RIMBP2: variants seen among roughly 807,000 people sequenced by gnomAD.
The protein encoded by RIMBP2 is RIMS-binding protein 2.
RIMBP2 carries 48 observed loss-of-function variants against 118.6 expected under a neutral mutation model. The observed-to-expected ratio is 0.40, with a 90% CI of 0.32 to 0.51. The LOEUF is 0.51. RIMBP2 is among the 20% of genes least tolerant of loss of function. The pLI is 0.41. For synonymous variants in RIMBP2, 762 were observed against 742.9 expected (o/e 1.03, Z -0.42); for missense variants, 1,551 against 1,768.3 (o/e 0.88, Z 2.20).
intron 2 of RIMBP2, among the ~76,000 whole-genome samples, chr12:130,551,098 T>C (rs1461116917): frequency 6.6e-6 from 1 of 152,170 alleles, no homozygotes; most frequent in Non-Finnish European, 1.5e-5. Context: ...ATTGATTGGA[T>C]ACAGGTGAAT....
chr12:130,635,676 C>A (rs12817379), intron 1 of RIMBP2, among the ~76,000 whole-genome samples: 1 of 152,150 alleles, frequency 6.6e-6, no homozygotes, highest in East Asian at 1.9e-4. Context: ...GACACCAATT[C>A]GTGACTCACA....
At chr12:130,692,799 T>A (rs924829630) in intron 1 of RIMBP2, among the ~76,000 whole-genome samples, 2 of 125,538 alleles carry the variant, frequency 1.6e-5, no homozygotes, top group African/African-American at 6.1e-5. Flanking sequence ...TCAAATAGAA[T>A]GGAAAAGTGG....
At chr12:130,657,062 T>C (rs773630436) in intron 1 of RIMBP2, among the ~76,000 whole-genome samples, 15 of 152,186 alleles carry the variant, frequency 9.9e-5, no homozygotes, top group Non-Finnish European at 1.3e-4. Context: ...GCCTACTATT[T>C]TTTTACATTT....
intron 4 of RIMBP2, among the ~76,000 whole-genome samples, chr12:130,506,377 C>T (rs1469198460): frequency 2.6e-5 from 4 of 152,176 alleles, no homozygotes; most frequent in Non-Finnish European, 4.4e-5. Flanking sequence ...AGCGGTGTGC[C>T]TGCCACTGCA....
intron 2 of RIMBP2, among the ~76,000 whole-genome samples, chr12:130,604,435 G>A (rs936033969): frequency 1.7e-4 from 25 of 149,278 alleles, no homozygotes; most frequent in African/African-American, 5.4e-4. Flanking sequence ...GCCTACAGTC[G>A]TGCAGTGGAA....
rs550639305 is a variant in RIMBP2 at position 130,494,961 on chromosome 12, C to T, written c.-4+11687G>A. 1.1e-4 allele frequency among the ~76,000 whole-genome samples: 17 copies of T among 152,322 alleles called. No homozygotes were observed. In the South Asian group the frequency reaches 3.3e-3, roughly 30 times the overall value. On this transcript the variant is annotated intron_variant, in intron 4 of 22. Transcript: ENST00000690449. ...CTGAGGGAGAAGCCGCCCCATGCCC[C>T]GCTCCAGCTGCTGGCGTGGCCACGA...
chr12:130,655,950 GC>G (rs1235963945), intron 1 of RIMBP2, among the ~76,000 whole-genome samples: 16 of 152,226 alleles, frequency 1.1e-4, no homozygotes, highest in African/African-American at 3.9e-4. Context: ...AAAGGAGGAT[GC>G]TGGTGGGAGC....
chr12:130,470,395 G>A (rs2080903090), intron 6 of RIMBP2: 2 of 319,376 alleles, frequency 6.3e-6, no homozygotes, highest in Non-Finnish European at 1.1e-5. Context: ...CACCCAAGAG[G>A]AGCCACCAGA....
intron 4 of RIMBP2, among the ~76,000 whole-genome samples, chr12:130,490,569 C>T (rs745430169): frequency 6.6e-6 from 1 of 152,088 alleles, no homozygotes; most frequent in African/African-American, 2.4e-5. Context: ...GATAGAGGTG[C>T]TTGGTTTACC....
intron 1 of RIMBP2, among the ~76,000 whole-genome samples, chr12:130,639,507 A>T (rs1594123635): frequency 6.6e-6 from 1 of 151,406 alleles, no homozygotes; most frequent in South Asian, 2.1e-4. Flanking sequence ...AAAAAAAAAA[A>T]AAAAAACCAA....
intron 4 of RIMBP2, among the ~76,000 whole-genome samples, chr12:130,484,191 G>C (rs2138255219): frequency 6.6e-6 from 1 of 152,296 alleles, no homozygotes; most frequent in Non-Finnish European, 1.5e-5. Context: ...GCCCCTCGGT[G>C]GGGAGTAAAG....
chr12:130,532,353 G>T (rs74686897), intron 2 of RIMBP2, among the ~76,000 whole-genome samples: 255 of 76,288 alleles, frequency 3.3e-3, no homozygotes, highest in Middle Eastern at 0.031. Flanking sequence ...ATGCGTGTGT[G>T]TAGCCTCTAG....
At chr12:130,680,711 T>C (rs184698772) in intron 1 of RIMBP2, among the ~76,000 whole-genome samples, 106 of 152,070 alleles carry the variant, frequency 7.0e-4, no homozygotes, top group African/African-American at 1.6e-3. Context: ...CACCATCTGG[T>C]GGGTAGGGGC....
chr12:130,597,132 T>C (rs1423946202), intron 2 of RIMBP2, among the ~76,000 whole-genome samples: 1 of 152,164 alleles, frequency 6.6e-6, no homozygotes, highest in Non-Finnish European at 1.5e-5. Context: ...GTCAAAAGCA[T>C]TATAACAAAA....
intron 4 of RIMBP2, among the ~76,000 whole-genome samples, chr12:130,497,589 C>T (rs2049308574): frequency 6.6e-6 from 1 of 152,216 alleles, no homozygotes; most frequent in Non-Finnish European, 1.5e-5. Flanking sequence ...TCCCTTTACC[C>T]AGGAGCTGGG....
intron 1 of RIMBP2, among the ~76,000 whole-genome samples, chr12:130,675,618 G>A (rs1018738483): frequency 6.6e-6 from 1 of 152,112 alleles, no homozygotes; most frequent in Non-Finnish European, 1.5e-5. Flanking sequence ...GAGAATCCTA[G>A]GTTTCCCCCG....
intron 2 of RIMBP2, among the ~76,000 whole-genome samples, chr12:130,547,580 G>A (rs554186131): frequency 1.3e-5 from 2 of 152,222 alleles, no homozygotes; most frequent in Non-Finnish European, 2.9e-5. Context: ...CAGCAATGCT[G>A]GCCTGGCAAC....
chr12:130,566,898 C>T (rs2057262136), intron 2 of RIMBP2, among the ~76,000 whole-genome samples: 1 of 152,224 alleles, frequency 6.6e-6, no homozygotes, highest in Admixed American at 6.5e-5. Flanking sequence ...AAGGGATTAT[C>T]ACTCCAGCCT....
At chr12:130,654,901 C>G (rs917809732) in intron 1 of RIMBP2, among the ~76,000 whole-genome samples, 2 of 152,188 alleles carry the variant, frequency 1.3e-5, no homozygotes, top group African/African-American at 4.8e-5. Flanking sequence ...GTGCCACACA[C>G]TTTTCAACAA....
Sources: gnomAD v4.1 joint callset for allele counts (sites outside exome capture counted in the v4.1 genomes callset) on GRCh38, gnomAD v4.1.1 for gene constraint, MANE v1.5 for transcripts, NCBI Gene and HGNC (gene_info 2026-07-23, HGNC 2026-07-21) for gene names.